The following ATP11A variants were observed in gnomAD, a reference collection of about 807,000 sequenced individuals.
The protein encoded by ATP11A is phospholipid-transporting ATPase IH.
In ATP11A, 81 loss-of-function variants were observed where a neutral mutation model predicts 154.4. The observed-to-expected ratio is 0.52, with a 90% CI of 0.44 to 0.63. The LOEUF (loss-of-function observed/expected upper bound fraction) is 0.63. ATP11A is among the 30% of genes least tolerant of loss of function. The pLI is 0.00. For synonymous variants in ATP11A, 623 were observed against 585.9 expected (o/e 1.06, Z -0.91); for missense variants, 1,316 against 1,474.3 (o/e 0.89, Z 1.76).
At chr13:112,761,492 G>C (rs1322248260) in intron 1 of ATP11A, among the ~76,000 whole-genome samples, 6 of 152,190 alleles carry the variant, frequency 3.9e-5, no homozygotes, top group Admixed American at 3.9e-4. Context: ...TATCAGGGGT[G>C]TGTGTTCATA....
chr13:112,856,979 G>T (rs1328863715), intron 20 of ATP11A, among the ~76,000 whole-genome samples: 3 of 152,198 alleles, frequency 2.0e-5, no homozygotes, highest in Non-Finnish European at 2.9e-5. Flanking sequence ...GAGGAAGACG[G>T]TTTGATGTCC....
At chr13:112,723,293 T>TCCCCCCCC (rs1315332766) in intron 1 of ATP11A, among the ~76,000 whole-genome samples, 1 of 18,886 alleles carries the variant, frequency 5.3e-5, no homozygotes, top group Non-Finnish European at 1.0e-4. Context: ...GTTCCCCACC[T>TCCCCCCCC]CCCCCCGCCC....
At chr13:112,874,682 G>T (rs2080660513) in intron 27 of ATP11A, among the ~76,000 whole-genome samples, 1 of 152,186 alleles carries the variant, frequency 6.6e-6, no homozygotes, top group Non-Finnish European at 1.5e-5. Context: ...CTCTCGTTCA[G>T]CCAGCGGCCC....
chr13:112,840,047 C>A (rs1188086386), intron 16 of ATP11A, among the ~76,000 whole-genome samples: 1 of 152,062 alleles, frequency 6.6e-6, no homozygotes, highest in African/African-American at 2.4e-5. Flanking sequence ...CACACCTCTG[C>A]AGTTCTGCAG....
intron 1 of ATP11A, among the ~76,000 whole-genome samples, chr13:112,725,956 G>A (rs1889826487): frequency 6.6e-6 from 1 of 152,250 alleles, no homozygotes; most frequent in Non-Finnish European, 1.5e-5. Context: ...GAGGGGGCGG[G>A]AAGCGGTGGC....
intron 2 of ATP11A, among the ~76,000 whole-genome samples, chr13:112,788,097 T>C (rs1035528025): frequency 6.6e-6 from 1 of 150,612 alleles, no homozygotes; most frequent in Non-Finnish European, 1.5e-5. Context: ...TCCTGATGTG[T>C]AGACCCCTGT....
At chr13:112,739,655 G>A (rs1367066797) in intron 1 of ATP11A, among the ~76,000 whole-genome samples, 2 of 152,188 alleles carry the variant, frequency 1.3e-5, no homozygotes, top group African/African-American at 2.4e-5. Flanking sequence ...GCGTCCACAC[G>A]GAAACTTTCA....
At chr13:112,738,924 TAGGA>T (rs1642606598) in intron 1 of ATP11A, among the ~76,000 whole-genome samples, 1 of 151,946 alleles carries the variant, frequency 6.6e-6, no homozygotes, top group Non-Finnish European at 1.5e-5. Context: ...TTCCTTGGGG[TAGGA>T]AGTGGCGTCT....
chr13:112,696,600 G>A lies in ATP11A; in HGVS notation c.39+6145G>A, dbSNP rs979700938. 3.3e-5 allele frequency among the ~76,000 whole-genome samples: 5 copies of A among 152,000 alleles called. 1 individual carries two copies. In the South Asian group the frequency reaches 1.0e-3, roughly 32 times the overall value. ...CCAGCGGTCACCGTGCTCATTTTTG[G>A]CTTCCAGCTACCGTTTTTCTTAGGT... On this transcript the variant is annotated intron_variant, in intron 1 of 29. Transcript: ENST00000375645. This position sits in a 1 kb window ranked among gnomAD's most constrained non-coding sequence, Gnocchi z 6.2.
Position 112,862,460 on chromosome 13 carries a change from T to C in ATP11A, c.2876T>C (p.Leu959Pro), listed in dbSNP as rs755793243. The C allele has an allele frequency of 1.9e-6, 3 of 1,614,016 alleles. No homozygotes were observed. The highest frequency in any genetic ancestry group is 1.1e-5 in the South Asian group (1 of 91,060). Residue 959 changes from leucine to proline, a missense_variant, in exon 25 of 30, where the codon CTG becomes CCG. Physicochemically the swap from Leu to Pro is moderately conservative, Grantham distance 98. Around this residue, in one of 5 missense-constraint regions of ATP11A, gnomAD observed 294 missense variants for 290.2 expected, o/e 1.01. Transcript: ENST00000375645. ...TLYRDVAKNA[L>P]LRWRVFIYWT... ...ACCAGGGACGTCGCCAAGAATGCCCTGCTGCGCTGGCGCGTGTTCATCTAC... is the reference window on the plus strand; with the variant it reads ...ACCAGGGACGTCGCCAAGAATGCCCCGCTGCGCTGGCGCGTGTTCATCTAC...
At chr13:112,701,558 C>T (rs1209463468) in intron 1 of ATP11A, among the ~76,000 whole-genome samples, 1 of 152,140 alleles carries the variant, frequency 6.6e-6, no homozygotes, top group South Asian at 2.1e-4. Context: ...CAGGGCCGGG[C>T]GCGGTGGCTC....
At chr13:112,794,940 A>G (rs2077960262) in intron 2 of ATP11A, among the ~76,000 whole-genome samples, 1 of 152,076 alleles carries the variant, frequency 6.6e-6, no homozygotes, top group Non-Finnish European at 1.5e-5. Context: ...CTGTACAGTA[A>G]CATTCAAATA....
At chr13:112,734,632 T>A (rs962494361) in intron 1 of ATP11A, among the ~76,000 whole-genome samples, 15 of 152,174 alleles carry the variant, frequency 9.9e-5, no homozygotes, top group Non-Finnish European at 2.1e-4. Context: ...ACCCAATGCT[T>A]TCACACTCCT....
At chr13:112,736,716 ACT>A (rs1044906601) in intron 1 of ATP11A, among the ~76,000 whole-genome samples, 1 of 152,230 alleles carries the variant, frequency 6.6e-6, no homozygotes, top group Non-Finnish European at 1.5e-5. Flanking sequence ...CATCTAATGC[ACT>A]GTCCATTTTA....
intron 2 of ATP11A, among the ~76,000 whole-genome samples, chr13:112,791,746 C>T (rs942089607): frequency 6.6e-6 from 1 of 152,194 alleles, no homozygotes; most frequent in Admixed American, 6.5e-5. Flanking sequence ...CTCGGCTGGG[C>T]CCTTCCTCTC....
At chr13:112,701,024 G>A (rs1886458103) in intron 1 of ATP11A, among the ~76,000 whole-genome samples, 1 of 152,254 alleles carries the variant, frequency 6.6e-6, no homozygotes, top group Non-Finnish European at 1.5e-5. Flanking sequence ...TGAGGGATCA[G>A]CCGACCCCAG....
chr13:112,735,643 T>G (rs1172048722), intron 1 of ATP11A, among the ~76,000 whole-genome samples: 1 of 152,182 alleles, frequency 6.6e-6, no homozygotes, highest in Non-Finnish European at 1.5e-5. Flanking sequence ...AGAGGAAACC[T>G]TCACTCGCGC....
In ATP11A at chr13:112,785,341, C is replaced by T. The variant is rs1369722447; in HGVS notation, c.162+84C>T. On this transcript the variant is annotated intron_variant, in intron 2 of 29. Transcript: ENST00000375645. The surrounding 1 kb of genome is among the most constrained non-coding windows in gnomAD (Gnocchi z 4.8). ...GTTAGTGCTTCTCGGTTTCAAAGAG[C>T]GGCTCTGCTCCTGGCCCTGCTGTCA... is the stretch of plus-strand genomic sequence containing the variant. 1.1e-5 allele frequency: 15 copies of T among 1,325,274 alleles called. No homozygotes were observed. The highest frequency in any genetic ancestry group is 1.4e-5 in the Non-Finnish European group (14 of 1,024,984). The allele number at this position is 1,325,274 out of a possible 1,614,324, so 82.1% of individuals were successfully genotyped here. A position where few individuals can be genotyped will look rare whatever the true frequency, so the allele number is the denominator to read the frequency against.
intron 28 of ATP11A, among the ~76,000 whole-genome samples, chr13:112,877,305 C>T (rs1231945090): frequency 6.6e-6 from 1 of 152,220 alleles, no homozygotes; most frequent in Non-Finnish European, 1.5e-5. Context: ...CCACTCACTG[C>T]CCAGCCCTGC....
Sources: allele counts gnomAD v4.1 joint callset (sites outside exome capture counted in the v4.1 genomes callset), GRCh38; gene constraint gnomAD v4.1.1; regional missense constraint gnomAD v4.1.1; non-coding constraint Gnocchi (gnomAD v3.1); transcripts MANE v1.5; gene names NCBI Gene and HGNC (gene_info 2026-07-23, HGNC 2026-07-21).